GLO1: variants seen among roughly 807,000 people sequenced by gnomAD.
GLO1 encodes the protein glyoxalase I, also known as lactoylglutathione lyase.
Under a neutral mutation model 26.0 loss-of-function variants are expected in GLO1, and 28 were observed. The observed-to-expected ratio is 1.08, with a 90% CI of 0.80 to 1.48. The LOEUF (loss-of-function observed/expected upper bound fraction) is 1.48, where lower values mean the gene tolerates loss of function less well. Among genes scored for constraint, GLO1 ranks in the 40% most tolerant of loss-of-function variants. GLO1 has a pLI of 0.00. For missense variants in GLO1, 225 were observed against 224.8 expected, an observed-to-expected ratio of 1.00 and a Z score of -0.01; for synonymous variants, 78 against 77.6, an observed-to-expected ratio of 1.00 and a Z score of -0.03.
At chr6:38,690,197 C>G (rs1392151281) in intron 1 of GLO1, among the ~76,000 whole-genome samples, 1 of 152,160 alleles carries the variant, frequency 6.6e-6, no homozygotes, top group Non-Finnish European at 1.5e-5. Context: ...TAACTATGTG[C>G]CAGATGCTGT....
In GLO1 at chr6:38,701,388, A is replaced by C. The variant is rs370245080; in HGVS notation, c.84+1583T>G. 7.4e-5 allele frequency among the ~76,000 whole-genome samples: 10 copies of C among 135,706 alleles called. No individual in the cohort carries two copies. In the East Asian group the frequency reaches 1.3e-3, roughly 17 times the overall value. 89.0% of individuals were successfully genotyped at this position (135,706 alleles called of 152,430 possible). A position where few individuals can be genotyped will look rare whatever the true frequency, so the allele number is the denominator to read the frequency against. Reference sequence around the variant, plus strand: ...TGTCTCCCATGGCCAAAAATTACTGATCTCAAAATTAATTACTCCGAATCA... The same window carrying C: ...TGTCTCCCATGGCCAAAAATTACTGCTCTCAAAATTAATTACTCCGAATCA... On this transcript the variant is annotated intron_variant, in intron 1 of 5. Coordinates refer to ENST00000373365, the MANE Select transcript of GLO1 (RefSeq NM_006708.3).
intron 1 of GLO1, among the ~76,000 whole-genome samples, chr6:38,691,659 C>T (rs922453394): frequency 3.9e-5 from 6 of 151,966 alleles, no homozygotes; most frequent in African/African-American, 1.4e-4. Context: ...TCCTACCTGC[C>T]TACAATACAA....
intron 1 of GLO1, among the ~76,000 whole-genome samples, chr6:38,701,665 A>G (rs1221110436): frequency 1.3e-5 from 2 of 152,144 alleles, no homozygotes. Context: ...TTAATTTTGC[A>G]ATGACTAACA....
chr6:38,701,913 G>A (rs1032100008), intron 1 of GLO1, among the ~76,000 whole-genome samples: 12 of 151,836 alleles, frequency 7.9e-5, no homozygotes, highest in Admixed American at 3.3e-4. Context: ...AATAAACAGC[G>A]GTTACTGTGC....
At chr6:38,688,876 G>A (rs1206634939) in intron 1 of GLO1, among the ~76,000 whole-genome samples, 2 of 152,236 alleles carry the variant, frequency 1.3e-5, no homozygotes, top group East Asian at 1.9e-4. Flanking sequence ...CTGGATTACT[G>A]AGGTGGATTC....
chr6:38,681,790 G>A (rs1761384533), intron 5 of GLO1, among the ~76,000 whole-genome samples: 1 of 152,142 alleles, frequency 6.6e-6, no homozygotes, highest in Admixed American at 6.5e-5. Context: ...TGGCTGTCCA[G>A]GTCCTGTGTC....
chr6:38,687,132 T>C, intron 1 of GLO1, 158 bp from the exon 2 acceptor site: 1 of 983,288 alleles, frequency 1.0e-6, no homozygotes. Flanking sequence ...TGCAGGCCCC[T>C]GTGTGATGCA....
chr6:38,682,993 C>T, intron 3 of GLO1, 118 bp from the exon 4 acceptor site: 2 of 635,760 alleles, frequency 3.1e-6, no homozygotes, highest in Non-Finnish European at 5.7e-6. Context: ...TGGCCTAACC[C>T]CTGCTACAAA....
intron 1 of GLO1, among the ~76,000 whole-genome samples, chr6:38,689,301 C>G (rs1345329580): frequency 6.6e-6 from 1 of 152,202 alleles, no homozygotes; most frequent in Non-Finnish European, 1.5e-5. Context: ...TCCAACCAAG[C>G]TGCACCCAAC....
chr6:38,688,562 T>C (rs532901202), intron 1 of GLO1, among the ~76,000 whole-genome samples: 1 of 152,316 alleles, frequency 6.6e-6, no homozygotes, highest in Admixed American at 6.5e-5. Context: ...TGCTTCTCTA[T>C]TGATTACAAT....
intron 1 of GLO1, among the ~76,000 whole-genome samples, chr6:38,701,372 T>A (rs185912077): frequency 1.5e-5 from 1 of 65,816 alleles, no homozygotes; most frequent in East Asian, 4.0e-4. Context: ...ATGTCTCCCA[T>A]GGCCAAAAAT....
intron 1 of GLO1, among the ~76,000 whole-genome samples, chr6:38,687,708 C>T (rs570016826): frequency 2.0e-5 from 3 of 152,304 alleles, no homozygotes; most frequent in South Asian, 4.1e-4. Flanking sequence ...AATAATTCTA[C>T]TTAGGACTTA....
intron 5 of GLO1, 54 bp from the exon 6 acceptor site, chr6:38,677,437 A>C: frequency 5.9e-6 from 5 of 841,726 alleles, no homozygotes; most frequent in Non-Finnish European, 1.0e-5. Context: ...AACACCATAA[A>C]AATGTTTTTC....
intron 1 of GLO1, among the ~76,000 whole-genome samples, 200 bp downstream of exon 1, chr6:38,702,771 T>C (rs1253277553): frequency 2.6e-5 from 4 of 152,024 alleles, no homozygotes; most frequent in Non-Finnish European, 5.9e-5. Flanking sequence ...TCTTTGAAAC[T>C]AGCTGAGGCA....
chr6:38,701,411 T>G (rs1237286059), intron 1 of GLO1, among the ~76,000 whole-genome samples: 1 of 148,688 alleles, frequency 6.7e-6, no homozygotes, highest in Admixed American at 6.6e-5. Context: ...TTACTCCGAA[T>G]CATCAAGAGA....
intron 1 of GLO1, among the ~76,000 whole-genome samples, chr6:38,699,665 ATGAGGT>A (rs1257602219): frequency 1.3e-5 from 2 of 152,100 alleles, no homozygotes; most frequent in East Asian, 3.9e-4. Context: ...TGTCTGTCTT[ATGAGGT>A]TGAGATAAGG....
chr6:38,684,829 C>T (rs1761438946), intron 2 of GLO1, among the ~76,000 whole-genome samples: 1 of 152,040 alleles, frequency 6.6e-6, no homozygotes, highest in Admixed American at 6.5e-5. Context: ...TTTATTTGTA[C>T]TGAAAAATAT....
chr6:38,687,108 T>C, intron 1 of GLO1, 134 bp from the exon 2 acceptor site: 1 of 1,431,836 alleles, frequency 7.0e-7, no homozygotes, highest in Non-Finnish European at 9.1e-7. Flanking sequence ...CTCTGCTCAG[T>C]GGTATCTTCT....
At chr6:38,701,311 C>T (rs1452698925) in intron 1 of GLO1, among the ~76,000 whole-genome samples, 3 of 152,230 alleles carry the variant, frequency 2.0e-5, no homozygotes, top group South Asian at 4.2e-4. Flanking sequence ...AATACCAAGC[C>T]AGGGCCTGGC....
Sources: allele counts gnomAD v4.1 joint callset (sites outside exome capture counted in the v4.1 genomes callset), GRCh38; gene constraint gnomAD v4.1.1; transcripts MANE v1.5; gene names NCBI Gene and HGNC (gene_info 2026-07-23, HGNC 2026-07-21).